The following DNM3 variants were observed in gnomAD, a reference collection of about 807,000 sequenced individuals.
DNM3 encodes the protein dynamin-3.
Under a neutral mutation model 101.6 loss-of-function variants are expected in DNM3, and 47 were observed. That is an observed-to-expected ratio of 0.46 (90% CI 0.37 to 0.59). The LOEUF (loss-of-function observed/expected upper bound fraction) is 0.59. DNM3 is among the 20% of genes least tolerant of loss of function. The pLI is 0.00. For synonymous variants in DNM3, 385 were observed against 387.9 expected (o/e 0.99, Z 0.09); for missense variants, 849 against 1,085.7 (o/e 0.78, Z 3.06).
At chr1:172,353,049 C>T (rs561616030) in intron 17 of DNM3, among the ~76,000 whole-genome samples, 10 of 152,116 alleles carry the variant, frequency 6.6e-5, no homozygotes, top group Non-Finnish European at 1.3e-4. Context: ...ATTCTCCTCA[C>T]ACTTCCGCCA....
chr1:171,930,399 G>A (rs2040912283), intron 2 of DNM3, among the ~76,000 whole-genome samples: 1 of 152,140 alleles, frequency 6.6e-6, no homozygotes, highest in Non-Finnish European at 1.5e-5. Flanking sequence ...GGTTATGTAT[G>A]GGGGTCTATC....
At chr1:172,145,595 A>G (rs1472927960) in intron 14 of DNM3, among the ~76,000 whole-genome samples, 2 of 152,014 alleles carry the variant, frequency 1.3e-5, no homozygotes, top group African/African-American at 2.4e-5. Context: ...TGGCCTTCCT[A>G]GTTTCCCTCA....
chr1:172,217,170 C>T (rs10911314), intron 14 of DNM3, among the ~76,000 whole-genome samples: 33,357 of 150,646 alleles, frequency 0.22, 6,459 homozygotes, highest in African/African-American at 0.54. Context: ...TCACCTTCTT[C>T]AGCCTCCTTA....
chr1:172,100,611 A>C (rs188953882), intron 13 of DNM3, among the ~76,000 whole-genome samples: 197 of 152,240 alleles, frequency 1.3e-3, no homozygotes, highest in Middle Eastern at 0.01. Context: ...GTCTTACCTG[A>C]CTTCCTGGTA....
chr1:172,189,772 C>T (rs629762), intron 14 of DNM3, among the ~76,000 whole-genome samples: 35,796 of 151,768 alleles, frequency 0.24, 7,088 homozygotes, highest in African/African-American at 0.54. Flanking sequence ...TCTCAGGAAG[C>T]TTACCACCAT....
At chr1:171,995,660 A>G (rs1558392839) in intron 4 of DNM3, among the ~76,000 whole-genome samples, 1 of 152,134 alleles carries the variant, frequency 6.6e-6, no homozygotes, top group African/African-American at 2.4e-5. Flanking sequence ...TGGTGAGGGC[A>G]ATCTGGTTAT....
At chr1:172,263,318 A>G (rs1208653525) in intron 15 of DNM3, among the ~76,000 whole-genome samples, 1 of 152,238 alleles carries the variant, frequency 6.6e-6, no homozygotes, top group African/African-American at 2.4e-5. Flanking sequence ...TCAAAGTAAC[A>G]AAGTATCTGT....
intron 4 of DNM3, among the ~76,000 whole-genome samples, chr1:172,020,556 T>G (rs1293895190): frequency 1.3e-5 from 2 of 151,176 alleles, no homozygotes; most frequent in East Asian, 3.9e-4. Flanking sequence ...CCATCTCTAC[T>G]AAAAATACAA....
chr1:172,230,521 T>C (rs1467915988), intron 14 of DNM3, among the ~76,000 whole-genome samples: 2 of 152,172 alleles, frequency 1.3e-5, no homozygotes, highest in Non-Finnish European at 2.9e-5. Flanking sequence ...ATGCCCAATA[T>C]AGGACACATG....
chr1:172,374,231 T>G (rs2068490247), intron 17 of DNM3, among the ~76,000 whole-genome samples: 1 of 152,064 alleles, frequency 6.6e-6, no homozygotes, highest in African/African-American at 2.4e-5. Context: ...AGCCTTCAGG[T>G]CTTTTTTTAA....
intron 4 of DNM3, among the ~76,000 whole-genome samples, chr1:172,020,565 A>G (rs372838954): frequency 3.1e-4 from 46 of 150,772 alleles, no homozygotes; most frequent in Admixed American, 9.2e-4. Flanking sequence ...CTAAAAATAC[A>G]AAAAAAAATT....
At chr1:172,334,420 A>T (rs1267976714) in intron 17 of DNM3, among the ~76,000 whole-genome samples, 1 of 152,172 alleles carries the variant, frequency 6.6e-6, no homozygotes. Flanking sequence ...GGTGCCGCTG[A>T]ACATCCTATG....
At chr1:172,262,814 T>A (rs1366310788) in intron 15 of DNM3, among the ~76,000 whole-genome samples, 1 of 152,168 alleles carries the variant, frequency 6.6e-6, no homozygotes, top group African/African-American at 2.4e-5. Context: ...GTGGATAGAC[T>A]TTTTTTAGTC....
At chr1:172,354,982 C>G (rs2067377548) in intron 17 of DNM3, among the ~76,000 whole-genome samples, 1 of 152,128 alleles carries the variant, frequency 6.6e-6, no homozygotes, top group Non-Finnish European at 1.5e-5. Context: ...TTATTTGTCT[C>G]GGCTTGCACT....
intron 4 of DNM3, among the ~76,000 whole-genome samples, chr1:172,014,604 A>G (rs1462529781): frequency 6.6e-6 from 1 of 152,122 alleles, no homozygotes; most frequent in Non-Finnish European, 1.5e-5. Context: ...CCTCTTTGGT[A>G]AGGCTGTTCA....
At chr1:172,091,508 G>T (rs1037398509) in intron 12 of DNM3, among the ~76,000 whole-genome samples, 5 of 152,206 alleles carry the variant, frequency 3.3e-5, no homozygotes, top group African/African-American at 1.2e-4. Flanking sequence ...GCAGATGAAA[G>T]CGGGAAGTAC....
chr1:171,929,301 C>A (rs1226463236), intron 2 of DNM3, among the ~76,000 whole-genome samples: 1 of 152,124 alleles, frequency 6.6e-6, no homozygotes, highest in Admixed American at 6.5e-5. Flanking sequence ...TAGCTAGAGA[C>A]CCTGGTTAGG....
intron 15 of DNM3, among the ~76,000 whole-genome samples, chr1:172,305,634 A>G (rs770757509): frequency 2.0e-5 from 3 of 152,278 alleles, no homozygotes; most frequent in African/African-American, 2.4e-5. Flanking sequence ...AAAATCCTCA[A>G]TAAAATACTG....
chr1:172,356,433 C>G (rs924682535), intron 17 of DNM3, among the ~76,000 whole-genome samples: 1 of 152,024 alleles, frequency 6.6e-6, no homozygotes, highest in Non-Finnish European at 1.5e-5. Context: ...CAGGAAAAAA[C>G]AGTAAACATT....
Sources: allele counts gnomAD v4.1 joint callset (sites outside exome capture counted in the v4.1 genomes callset), GRCh38; gene constraint gnomAD v4.1.1; transcripts MANE v1.5; gene names NCBI Gene and HGNC (gene_info 2026-07-23, HGNC 2026-07-21).